The following SRD5A2 variants were observed in gnomAD, a reference collection of about 807,000 sequenced individuals.
SRD5A2 encodes steroid 5 alpha-reductase 2.
Under a neutral mutation model 27.4 loss-of-function variants are expected in SRD5A2, and 30 were observed. The ratio of observed to expected loss-of-function variants is 1.10; its 90% CI spans 0.82 to 1.49. The LOEUF is 1.49. Among genes scored for constraint, SRD5A2 ranks in the 40% most tolerant of loss-of-function variants. The pLI is 0.00. For missense variants in SRD5A2, 348 were observed against 323.4 expected (o/e 1.08, Z -0.58); for synonymous variants, 141 against 133.6 (o/e 1.06, Z -0.38).
chr2:31,525,041 T>C lies in SRD5A2; in HGVS notation c.*1155A>G, dbSNP rs1247828395. 1 of 216,140 alleles carries C rather than the reference T, an allele frequency of 4.6e-6. No individual in the cohort carries two copies. Among genetic ancestry groups the C allele is most frequent in the East Asian group, 6.8e-5 (1 of 14,642 alleles). The allele number at this position is 216,140 out of a possible 1,614,324, so 13.4% of individuals were successfully genotyped here. The stretch of plus-strand genomic sequence containing the variant: ...CCTGATTTTTAAGTTTTTGAAACTT[T>C]GTAAAAAAAAAAAAAACTATATGTC... On this transcript the variant is annotated 3_prime_UTR_variant, in exon 5 of 5. Transcript: ENST00000622030.
At chr2:31,657,904 G>T in the SRD5A2 span, among the ~76,000 whole-genome samples, 1 of 151,278 alleles carries the variant, frequency 6.6e-6, no homozygotes, top group Non-Finnish European at 1.5e-5. Flanking sequence ...AGGAAGGAGA[G>T]AACTTAGAAG....
upstream of SRD5A2, among the ~76,000 whole-genome samples, chr2:31,584,656 A>G (rs749850599): frequency 1.2e-4 from 18 of 152,228 alleles, no homozygotes; most frequent in Non-Finnish European, 2.2e-4. Context: ...GGAAAGCACT[A>G]TACTTACAAC....
the SRD5A2 span, among the ~76,000 whole-genome samples, chr2:31,656,204 T>C: frequency 1.3e-5 from 2 of 152,214 alleles, no homozygotes; most frequent in East Asian, 3.9e-4. Flanking sequence ...ATGCCATTCC[T>C]TCTAGCATAG....
At chr2:31,601,868 T>TA in the SRD5A2 span, among the ~76,000 whole-genome samples, 2 of 152,052 alleles carry the variant, frequency 1.3e-5, no homozygotes, top group African/African-American at 4.8e-5. Flanking sequence ...TCCTTCATGT[T>TA]AAAAACTCTC....
At chr2:31,600,211 A>AT in the SRD5A2 span, among the ~76,000 whole-genome samples, 1 of 151,934 alleles carries the variant, frequency 6.6e-6, no homozygotes, top group East Asian at 1.9e-4. Flanking sequence ...TATGTGCCAC[A>AT]TTTTTTTATC....
At chr2:31,596,413 C>T in the SRD5A2 span, among the ~76,000 whole-genome samples, 1 of 149,336 alleles carries the variant, frequency 6.7e-6, no homozygotes, top group East Asian at 2.0e-4. Context: ...AAAAAGCATT[C>T]CCCCTGCAGA....
At chr2:31,581,376 T>A (rs1420744394), upstream of SRD5A2, among the ~76,000 whole-genome samples, 3 of 152,052 alleles carry the variant, frequency 2.0e-5, no homozygotes, top group Non-Finnish European at 4.4e-5. Context: ...CGGTTCCTCA[T>A]GCACTTTCAC....
At chr2:31,589,072 T>C in the SRD5A2 span, among the ~76,000 whole-genome samples, 10 of 152,074 alleles carry the variant, frequency 6.6e-5, no homozygotes, top group Non-Finnish European at 1.3e-4. Context: ...CAGGGAAAAG[T>C]TTGCCTCTGA....
chr2:31,572,319 G>A (rs1666867947), intron 1 of SRD5A2, among the ~76,000 whole-genome samples: 1 of 152,176 alleles, frequency 6.6e-6, no homozygotes, highest in Non-Finnish European at 1.5e-5. Flanking sequence ...GAGGATGGAA[G>A]GAGGGTGATG....
the SRD5A2 span, among the ~76,000 whole-genome samples, chr2:31,602,557 T>C: frequency 6.6e-5 from 10 of 151,810 alleles, no homozygotes; most frequent in Non-Finnish European, 1.5e-4. Context: ...GAAAAAACTA[T>C]TTAAAAATTC....
the SRD5A2 span, among the ~76,000 whole-genome samples, chr2:31,660,029 T>C: frequency 6.6e-6 from 1 of 152,072 alleles, no homozygotes; most frequent in Admixed American, 6.6e-5. Flanking sequence ...TCTGCAGTGC[T>C]TTTTTTCATT....
the SRD5A2 span, among the ~76,000 whole-genome samples, chr2:31,647,889 T>G: frequency 6.6e-6 from 1 of 152,358 alleles, no homozygotes; most frequent in Middle Eastern, 3.4e-3. Flanking sequence ...TCTCTGGATG[T>G]GTCTAATTTT....
At chr2:31,572,292 G>C (rs1271139975) in intron 1 of SRD5A2, among the ~76,000 whole-genome samples, 2 of 152,054 alleles carry the variant, frequency 1.3e-5, no homozygotes, top group Non-Finnish European at 2.9e-5. Flanking sequence ...AACAGCACTG[G>C]GGTCTACTTG....
At chr2:31,652,202 C>A in the SRD5A2 span, among the ~76,000 whole-genome samples, 3 of 152,142 alleles carry the variant, frequency 2.0e-5, no homozygotes, top group Non-Finnish European at 2.9e-5. Flanking sequence ...GCAATCCACC[C>A]GCCTTGGCCT....
At chr2:31,613,387 T>C in the SRD5A2 span, among the ~76,000 whole-genome samples, 248 of 152,230 alleles carry the variant, frequency 1.6e-3, 2 homozygotes, top group South Asian at 0.041. Flanking sequence ...AGAAGAGATA[T>C]GAATAGCCAA....
chr2:31,652,056 G>A, the SRD5A2 span, among the ~76,000 whole-genome samples: 14 of 152,150 alleles, frequency 9.2e-5, no homozygotes, highest in East Asian at 1.9e-4. Context: ...CCTCCAGGAC[G>A]GAGGCAATCC....
the SRD5A2 span, among the ~76,000 whole-genome samples, chr2:31,596,212 A>T: frequency 6.6e-6 from 1 of 151,964 alleles, no homozygotes; most frequent in Non-Finnish European, 1.5e-5. Flanking sequence ...ATACAGTGAA[A>T]ACCCGTCTCT....
intron 1 of SRD5A2, among the ~76,000 whole-genome samples, chr2:31,551,910 T>C (rs1666387959): frequency 6.6e-6 from 1 of 152,016 alleles, no homozygotes; most frequent in South Asian, 2.1e-4. Flanking sequence ...TCAAATGATT[T>C]TTTATAAAGG....
intron 1 of SRD5A2, among the ~76,000 whole-genome samples, chr2:31,546,806 A>C (rs1414710821): frequency 1.3e-5 from 2 of 152,180 alleles, no homozygotes; most frequent in African/African-American, 4.8e-5. Flanking sequence ...GTTAAAAAAA[A>C]TAAAAATAGG....
Sources: allele counts gnomAD v4.1 joint callset (sites outside exome capture counted in the v4.1 genomes callset), GRCh38; gene constraint gnomAD v4.1.1; transcripts MANE v1.5; gene names NCBI Gene and HGNC (gene_info 2026-07-23, HGNC 2026-07-21).